The following CAP2 variants were observed in gnomAD, a reference collection of about 807,000 sequenced individuals.
CAP2 encodes the protein adenylyl cyclase-associated protein 2.
In CAP2, 24 loss-of-function variants were observed where a neutral mutation model predicts 57.7. The ratio of observed to expected loss-of-function variants is 0.42; its 90% CI spans 0.30 to 0.58. The LOEUF (loss-of-function observed/expected upper bound fraction) is 0.58, where lower values mean the gene tolerates loss of function less well. CAP2 is among the 20% of genes least tolerant of loss of function. CAP2 has a pLI of 0.22. For missense variants in CAP2, 501 were observed against 590.3 expected (o/e 0.85, Z 1.57); for synonymous variants, 194 against 207.2 (o/e 0.94, Z 0.55).
At chr6:17,482,901 C>T (rs1279242772) in intron 4 of CAP2, among the ~76,000 whole-genome samples, 1 of 152,234 alleles carries the variant, frequency 6.6e-6, no homozygotes, top group East Asian at 1.9e-4. Flanking sequence ...CAGCCCGTAA[C>T]ACTAGATTTG....
chr6:17,465,051 A>G (rs1476290179), intron 4 of CAP2, among the ~76,000 whole-genome samples: 1 of 152,232 alleles, frequency 6.6e-6, no homozygotes, highest in Non-Finnish European at 1.5e-5. Flanking sequence ...AAGTGAATGA[A>G]CAATGGATGA....
At chr6:17,526,575 T>G (rs1174145338) in intron 7 of CAP2, among the ~76,000 whole-genome samples, 1 of 152,196 alleles carries the variant, frequency 6.6e-6, no homozygotes, top group Non-Finnish European at 1.5e-5. Flanking sequence ...CAGAAGGTAG[T>G]ATTAACTTAA....
At chr6:17,511,619 T>A (rs1339421970) in intron 6 of CAP2, among the ~76,000 whole-genome samples, 4 of 152,050 alleles carry the variant, frequency 2.6e-5, no homozygotes, top group Non-Finnish European at 5.9e-5. Flanking sequence ...ACCCAGCTAA[T>A]TTTTTTGCAT....
rs528730100 is a variant in CAP2 at position 17,547,584 on chromosome 6, G to A, written c.1210-3880G>A. Among the ~76,000 whole-genome samples, 10 of 152,294 alleles carry A rather than the reference G, an allele frequency of 6.6e-5. No individual in the cohort carries two copies. In the South Asian group the frequency reaches 1.4e-3, roughly 22 times the overall value. On this transcript the variant is annotated intron_variant, in intron 11 of 12. Transcript: ENST00000229922. ...TGACCGGGCACGGTGGCTCACGCCT[G>A]TAATCCCAGCATTTTGGGAGGCCAA... is the stretch of plus-strand genomic sequence containing the variant.
At chr6:17,539,514 A>G in intron 8 of CAP2, 56 bp downstream of exon 8, 3 of 1,392,442 alleles carry the variant, frequency 2.2e-6, no homozygotes, top group Non-Finnish European at 3.0e-6. Flanking sequence ...GCTCCCAGAC[A>G]CAAAAGAGCC....
At chr6:17,479,698 G>A (rs1448818972) in intron 4 of CAP2, among the ~76,000 whole-genome samples, 4 of 142,294 alleles carry the variant, frequency 2.8e-5, no homozygotes, top group Non-Finnish European at 6.0e-5. Flanking sequence ...TGCCAGCTCC[G>A]CCTGCCGGGT....
chr6:17,496,027 T>TGGTGG (rs3075209), intron 4 of CAP2, among the ~76,000 whole-genome samples: 1 of 44,314 alleles, frequency 2.3e-5, no homozygotes, highest in African/African-American at 1.3e-4. Flanking sequence ...CGTGTGTGGG[T>TGGTGG]GGGGGGGGGG....
At chr6:17,488,518 C>A (rs1438329930) in intron 4 of CAP2, among the ~76,000 whole-genome samples, 1 of 152,062 alleles carries the variant, frequency 6.6e-6, no homozygotes, top group African/African-American at 2.4e-5. Context: ...ATAAATTAGT[C>A]ATTTATTGTA....
At chr6:17,506,752 A>ATTCC (rs1403374928) in intron 4 of CAP2, among the ~76,000 whole-genome samples, 1 of 152,184 alleles carries the variant, frequency 6.6e-6, no homozygotes. Flanking sequence ...TTCCACAGGA[A>ATTCC]TAGGATGAAG....
At position 17,511,764 on chromosome 6, in the gene CAP2, A is replaced by G. The variant is rs376268474; in HGVS notation, c.531-2085A>G. ...CCACCCCGCCCGGCCTGGTTCTTTC[A>G]ATATATGAATACAGCAAGTCATTTA... On this transcript the variant is annotated intron_variant, in intron 6 of 12. Transcript: ENST00000229922. Among the ~76,000 whole-genome samples the G allele has an allele frequency of 5.3e-5, 8 of 152,160 alleles. No homozygotes were observed. In the East Asian group the frequency reaches 9.6e-4, roughly 18 times the overall value.
At chr6:17,467,811 C>G (rs1306748211) in intron 4 of CAP2, among the ~76,000 whole-genome samples, 1 of 152,236 alleles carries the variant, frequency 6.6e-6, no homozygotes, top group Non-Finnish European at 1.5e-5. Context: ...GCATGAGCCA[C>G]AGCACCCGGC....
At chr6:17,404,568 G>A (rs1758901991) in intron 1 of CAP2, among the ~76,000 whole-genome samples, 1 of 151,268 alleles carries the variant, frequency 6.6e-6, no homozygotes, top group Non-Finnish European at 1.5e-5. Context: ...TGGCGCCACT[G>A]CACTCCAGCC....
intron 4 of CAP2, among the ~76,000 whole-genome samples, chr6:17,481,907 C>T (rs1193223772): frequency 2.0e-5 from 3 of 152,068 alleles, no homozygotes; most frequent in Non-Finnish European, 4.4e-5. Flanking sequence ...TAAAGCTTTG[C>T]CTTGGCCTTT....
intron 7 of CAP2, among the ~76,000 whole-genome samples, chr6:17,536,991 A>C (rs1261931888): frequency 6.6e-6 from 1 of 152,204 alleles, no homozygotes; most frequent in African/African-American, 2.4e-5. Context: ...TTGACCTAAG[A>C]AACCTGATGG....
chr6:17,433,203 T>C (rs567448473), intron 3 of CAP2, among the ~76,000 whole-genome samples: 2 of 152,270 alleles, frequency 1.3e-5, no homozygotes, highest in South Asian at 2.1e-4. Context: ...TCTTCAGCCA[T>C]GCCAGGGAAA....
intron 1 of CAP2, among the ~76,000 whole-genome samples, chr6:17,415,134 T>C (rs1759241228): frequency 6.6e-6 from 1 of 152,222 alleles, no homozygotes; most frequent in African/African-American, 2.4e-5. Flanking sequence ...CTTGCAGAAT[T>C]GGAAGAGAAA....
chr6:17,488,819 C>T (rs1421420651), intron 4 of CAP2, among the ~76,000 whole-genome samples: 3 of 152,010 alleles, frequency 2.0e-5, no homozygotes, highest in African/African-American at 7.2e-5. Context: ...TGAATTATAC[C>T]CTCTGGACAT....
chr6:17,440,556 C>T (rs1053601959), intron 3 of CAP2, among the ~76,000 whole-genome samples: 2 of 150,586 alleles, frequency 1.3e-5, no homozygotes, highest in African/African-American at 2.5e-5. Flanking sequence ...TATCTTTTAG[C>T]AGGAATGTCA....
intron 12 of CAP2, 144 bp downstream of exon 12, chr6:17,551,748 T>C (rs1763175919): frequency 1.6e-6 from 1 of 621,902 alleles, no homozygotes; most frequent in East Asian, 2.7e-5. Context: ...GGAGCTGTCT[T>C]CCACATCTCT....
Sources: allele counts gnomAD v4.1 joint callset (sites outside exome capture counted in the v4.1 genomes callset), GRCh38; gene constraint gnomAD v4.1.1; transcripts MANE v1.5; gene names NCBI Gene and HGNC (gene_info 2026-07-23, HGNC 2026-07-21).